LDB2: variants seen among roughly 807,000 people sequenced by gnomAD.
LDB2 encodes the protein LIM domain binding 2.
A neutral mutation model predicts 44.3 loss-of-function variants in LDB2; 12 were observed. The ratio of observed to expected loss-of-function variants is 0.27; its 90% CI spans 0.17 to 0.44. The LOEUF (loss-of-function observed/expected upper bound fraction) is 0.44, where lower values mean the gene tolerates loss of function less well. Among genes scored for constraint, LDB2 ranks in the 20% least tolerant of loss-of-function variants. LDB2 has a pLI of 1.00. For synonymous variants in LDB2, 164 were observed against 174.8 expected, an observed-to-expected ratio of 0.94 and a Z score of 0.49; for missense variants, 344 against 473.5, an observed-to-expected ratio of 0.73 and a Z score of 2.54.
At chr4:16,678,553 TG>T (rs767138134) in intron 2 of LDB2, among the ~76,000 whole-genome samples, 1 of 152,186 alleles carries the variant, frequency 6.6e-6, no homozygotes, top group Non-Finnish European at 1.5e-5. Context: ...AGTAACACTC[TG>T]GGCTACTCTT....
At chr4:16,647,012 T>A (rs1736981319) in intron 2 of LDB2, among the ~76,000 whole-genome samples, 1 of 152,108 alleles carries the variant, frequency 6.6e-6, no homozygotes, top group Non-Finnish European at 1.5e-5. Flanking sequence ...TGTACATGAG[T>A]GGTCATAGCA....
At chr4:16,883,471 G>C (rs1720772419) in intron 1 of LDB2, among the ~76,000 whole-genome samples, 1 of 152,166 alleles carries the variant, frequency 6.6e-6, no homozygotes, top group Non-Finnish European at 1.5e-5. Flanking sequence ...GCCTGCAATG[G>C]GGCATGAACT....
chr4:16,616,462 G>T (rs1385129536), intron 2 of LDB2, among the ~76,000 whole-genome samples: 1 of 152,022 alleles, frequency 6.6e-6, no homozygotes, highest in African/African-American at 2.4e-5. Context: ...TTCCCAAGCA[G>T]AGGTGCTGAG....
intron 2 of LDB2, among the ~76,000 whole-genome samples, chr4:16,634,270 A>C (rs1210050756): frequency 1.4e-5 from 2 of 145,992 alleles, no homozygotes; most frequent in Non-Finnish European, 3.0e-5. Context: ...AATGGGATCT[A>C]ATTAAACTAA....
At chr4:16,563,866 G>A (rs190134583) in intron 5 of LDB2, among the ~76,000 whole-genome samples, 83 of 152,166 alleles carry the variant, frequency 5.5e-4, no homozygotes, top group Admixed American at 1.4e-3. Flanking sequence ...GTTCATGGCT[G>A]TTCTTTTAGA....
intron 2 of LDB2, among the ~76,000 whole-genome samples, chr4:16,749,587 A>ATAT (rs1261987472): frequency 2.7e-5 from 4 of 145,492 alleles, no homozygotes; most frequent in South Asian, 2.1e-4. Flanking sequence ...AAAATAAAAA[A>ATAT]AAATATATAT....
chr4:16,828,371 C>T (rs911535956), intron 1 of LDB2, among the ~76,000 whole-genome samples: 1 of 152,178 alleles, frequency 6.6e-6, no homozygotes, highest in Non-Finnish European at 1.5e-5. Context: ...TTTGCTTACG[C>T]TGTTTCCCTA....
At chr4:16,580,406 T>C (rs1713896018) in intron 5 of LDB2, among the ~76,000 whole-genome samples, 1 of 152,060 alleles carries the variant, frequency 6.6e-6, no homozygotes, top group Non-Finnish European at 1.5e-5. Context: ...CTTAGGAAAA[T>C]TAGGAGAGGA....
intron 2 of LDB2, among the ~76,000 whole-genome samples, chr4:16,718,012 T>C (rs1027707361): frequency 2.6e-5 from 4 of 152,174 alleles, no homozygotes; most frequent in Non-Finnish European, 4.4e-5. Flanking sequence ...AAATACAGTA[T>C]GATAGACAAA....
At chr4:16,590,835 G>A (rs1718671369) in intron 3 of LDB2, among the ~76,000 whole-genome samples, 1 of 152,204 alleles carries the variant, frequency 6.6e-6, no homozygotes, top group South Asian at 2.1e-4. Context: ...AGCCATGAGA[G>A]TTGAGCGCAT....
At chr4:16,757,779 G>T (rs1004225006) in intron 2 of LDB2, among the ~76,000 whole-genome samples, 1 of 152,150 alleles carries the variant, frequency 6.6e-6, no homozygotes, top group African/African-American at 2.4e-5. Flanking sequence ...AGGGCATGAG[G>T]CTGCTTGGGG....
intron 1 of LDB2, among the ~76,000 whole-genome samples, chr4:16,773,151 A>C (rs1771071979): frequency 6.6e-6 from 1 of 152,218 alleles, no homozygotes; most frequent in East Asian, 1.9e-4. Context: ...TACCAGAAGA[A>C]AAGGTAGGAG....
At chr4:16,834,879 A>C (rs1413670781) in intron 1 of LDB2, among the ~76,000 whole-genome samples, 1 of 151,942 alleles carries the variant, frequency 6.6e-6, no homozygotes, top group African/African-American at 2.4e-5. Flanking sequence ...TGTCGTGTTC[A>C]CTATTGTACT....
At chr4:16,686,472 T>A (rs1167417932) in intron 2 of LDB2, among the ~76,000 whole-genome samples, 1 of 152,214 alleles carries the variant, frequency 6.6e-6, no homozygotes, top group Non-Finnish European at 1.5e-5. Context: ...ACCTCACAGA[T>A]TGTGCTCTTG....
At chr4:16,690,027 C>A (rs1352509665) in intron 2 of LDB2, among the ~76,000 whole-genome samples, 1 of 152,124 alleles carries the variant, frequency 6.6e-6, no homozygotes, top group Non-Finnish European at 1.5e-5. Context: ...TGGGTGATAC[C>A]TATGTGTGCA....
intron 2 of LDB2, 93 bp from the exon 3 acceptor site, chr4:16,595,968 T>C: frequency 2.4e-6 from 3 of 1,261,744 alleles, no homozygotes; most frequent in South Asian, 3.1e-5. Flanking sequence ...TAAAACCGGA[T>C]ACTGATCATC....
At chr4:16,740,488 C>G (rs1393273448) in intron 2 of LDB2, among the ~76,000 whole-genome samples, 1 of 152,214 alleles carries the variant, frequency 6.6e-6, no homozygotes, top group African/African-American at 2.4e-5. Flanking sequence ...GCGAGCTGTT[C>G]TTTTGATTGT....
chr4:16,576,725 T>C (rs552894920), intron 5 of LDB2, among the ~76,000 whole-genome samples: 33 of 152,294 alleles, frequency 2.2e-4, no homozygotes, highest in African/African-American at 7.5e-4. Context: ...TTCAAACTCA[T>C]TCTCAGAGGC....
intron 5 of LDB2, among the ~76,000 whole-genome samples, chr4:16,529,153 A>G (rs1160432729): frequency 1.3e-5 from 2 of 152,222 alleles, no homozygotes; most frequent in African/African-American, 4.8e-5. Context: ...AAGGGAAACC[A>G]GAGGGAATGA....
Sources: gnomAD v4.1 joint callset for allele counts (sites outside exome capture counted in the v4.1 genomes callset) on GRCh38, gnomAD v4.1.1 for gene constraint, MANE v1.5 for transcripts, NCBI Gene and HGNC (gene_info 2026-07-23, HGNC 2026-07-21) for gene names.